Variants in PDE10A observed in about 807,000 individuals in gnomAD.
PDE10A encodes phosphodiesterase 10A, also known as cAMP and cAMP-inhibited cGMP 3',5'-cyclic phosphodiesterase 10A.
In PDE10A, 39 loss-of-function variants were observed where a neutral mutation model predicts 97.7. The observed-to-expected ratio is 0.40, with a 90% CI of 0.31 to 0.52. PDE10A has a LOEUF of 0.52. PDE10A is among the 20% of genes least tolerant of loss of function. PDE10A has a pLI of 0.56. For missense variants in PDE10A, 731 were observed against 1,047.8 expected, an observed-to-expected ratio of 0.70 and a Z score of 4.17; for synonymous variants, 371 against 376.8, an observed-to-expected ratio of 0.98 and a Z score of 0.18.
At chr6:165,336,263 T>TC (rs1334516712) in intron 20 of PDE10A, 52 bp from the exon 21 acceptor site, 9 of 1,142,560 alleles carry the variant, frequency 7.9e-6, no homozygotes, top group Non-Finnish European at 1.2e-5. Context: ...CATTAGCAAT[T>TC]CCAGTGATAT....
chr6:165,635,734 T>C (rs1788844517), intron 1 of PDE10A, among the ~76,000 whole-genome samples: 1 of 152,220 alleles, frequency 6.6e-6, no homozygotes, highest in Non-Finnish European at 1.5e-5. Flanking sequence ...TAGACTATCG[T>C]AAACACAGCG....
At chr6:165,590,588 A>G (rs1254988066) in intron 1 of PDE10A, among the ~76,000 whole-genome samples, 1 of 152,176 alleles carries the variant, frequency 6.6e-6, no homozygotes, top group African/African-American at 2.4e-5. Flanking sequence ...TTTTGGGTAG[A>G]CACTAAAAAA....
At chr6:165,509,275 T>C (rs1350939721) in intron 2 of PDE10A, among the ~76,000 whole-genome samples, 4 of 152,008 alleles carry the variant, frequency 2.6e-5, no homozygotes, top group Non-Finnish European at 5.9e-5. Context: ...TCCTTTCTTC[T>C]GGCTACTTTA....
At chr6:165,624,532 A>G (rs1788293174) in intron 1 of PDE10A, among the ~76,000 whole-genome samples, 1 of 152,210 alleles carries the variant, frequency 6.6e-6, no homozygotes, top group African/African-American at 2.4e-5. Flanking sequence ...CTAAAACTTA[A>G]CATTCTAACA....
At chr6:165,350,936 T>C (rs1023924076) in intron 18 of PDE10A, among the ~76,000 whole-genome samples, 1 of 152,228 alleles carries the variant, frequency 6.6e-6, no homozygotes, top group African/African-American at 2.4e-5. Flanking sequence ...TTAAACCTCT[T>C]TTCTTTATAA....
At chr6:165,892,375 G>T (rs1781828455) in intron 1 of PDE10A, among the ~76,000 whole-genome samples, 1 of 152,208 alleles carries the variant, frequency 6.6e-6, no homozygotes, top group Admixed American at 6.5e-5. Flanking sequence ...TGGCCACAGA[G>T]AATCCACTCG....
chr6:165,718,777 G>A (rs893525082), intron 1 of PDE10A, among the ~76,000 whole-genome samples: 1 of 152,156 alleles, frequency 6.6e-6, no homozygotes, highest in African/African-American at 2.4e-5. Flanking sequence ...CTGCATTTTA[G>A]TGCCTTGCTC....
chr6:165,934,876 G>A (rs1167412811), intron 1 of PDE10A, among the ~76,000 whole-genome samples: 1 of 152,194 alleles, frequency 6.6e-6, no homozygotes, highest in African/African-American at 2.4e-5. Context: ...CTCACATTTA[G>A]TGTCAACTGT....
At chr6:165,775,355 C>T (rs1006518793) in intron 1 of PDE10A, 2 of 152,146 alleles carry the variant, frequency 1.3e-5, no homozygotes, top group African/African-American at 4.8e-5. Flanking sequence ...GCAGAGTGGC[C>T]ATAACAACCA....
rs558934165 is a variant in PDE10A at position 165,790,915 on chromosome 6, T to A, written c.-615+196614A>T. 1.6e-4 allele frequency among the ~76,000 whole-genome samples: 25 copies of A among 152,238 alleles called. 1 individual carries two copies. The highest frequency in any genetic ancestry group is 5.8e-4 in the African/African-American group (24 of 41,532). On this transcript the variant is annotated intron_variant, in intron 1 of 19. Coordinates refer to the PDE10A transcript ENST00000366882. ...TTTTAAGAATACAATGCATTACCGTTGACTATACCTGCACAGTTGTACAGC... is the reference window on the plus strand; with the variant it reads ...TTTTAAGAATACAATGCATTACCGTAGACTATACCTGCACAGTTGTACAGC...
chr6:165,363,999 A>C (rs1783600562), intron 18 of PDE10A, among the ~76,000 whole-genome samples: 1 of 152,322 alleles, frequency 6.6e-6, no homozygotes, highest in Non-Finnish European at 1.5e-5. Context: ...GCTTTTCTTT[A>C]GAAACTGACA....
chr6:165,960,936 C>T (rs578223351), intron 1 of PDE10A, among the ~76,000 whole-genome samples: 1 of 152,266 alleles, frequency 6.6e-6, no homozygotes, highest in East Asian at 1.9e-4. Context: ...GGCTCCATTG[C>T]TTGCAATGTG....
intron 11 of PDE10A, 57 bp from the exon 12 acceptor site, chr6:165,416,338 T>C (rs1019718639): frequency 1.4e-5 from 15 of 1,043,918 alleles, no homozygotes; most frequent in Non-Finnish European, 2.3e-5. Context: ...GTAGAATAAT[T>C]CAAAAATATT....
At chr6:165,942,510 C>T (rs1251577846) in intron 1 of PDE10A, among the ~76,000 whole-genome samples, 2 of 152,052 alleles carry the variant, frequency 1.3e-5, no homozygotes, top group African/African-American at 4.8e-5. Context: ...CACCTGTGCT[C>T]GCTGCCACCC....
intron 1 of PDE10A, among the ~76,000 whole-genome samples, chr6:165,956,636 G>T (rs1470106368): frequency 6.6e-6 from 1 of 152,174 alleles, no homozygotes; most frequent in African/African-American, 2.4e-5. Flanking sequence ...TTAAACCTGT[G>T]ACAAGATTTA....
intron 1 of PDE10A, among the ~76,000 whole-genome samples, chr6:165,797,436 C>A (rs1778860217): frequency 1.3e-5 from 2 of 152,084 alleles, no homozygotes; most frequent in South Asian, 4.2e-4. Context: ...AAAAGCTTTC[C>A]CTTATTATCC....
intron 1 of PDE10A, among the ~76,000 whole-genome samples, chr6:165,875,746 T>TGTTTTGTG (rs1554334719): frequency 1.4e-5 from 2 of 147,014 alleles, no homozygotes; most frequent in Non-Finnish European, 3.0e-5. Flanking sequence ...TTTTTTTTTT[T>TGTTTTGTG]TGTGTGTGTG....
rs1403420962 is a variant in PDE10A, at chr6:165,435,331, C to T, written c.1241G>A (p.Arg414His). The T allele has an allele frequency of 4.3e-6, 7 of 1,613,798 alleles. No individual in the cohort carries two copies. The highest frequency in any genetic ancestry group is 2.2e-5 in the South Asian group (2 of 91,076). ...AGTGATGGGCCCAGCAGGGATGAGG[C>T]GGGGTTTTCCTTCCTTTATCCCAGG... Reference protein sequence around the residue: ...TPPGIKEGKPRLIPAGPITQG... With the variant: ...TPPGIKEGKPHLIPAGPITQG... Residue 414 changes from arginine to histidine, a missense_variant, in exon 6 of 22, where the codon CGC becomes CAC. Around this residue, in one of 8 missense-constraint regions of PDE10A, gnomAD observed 152 missense variants for 199.3 expected, o/e 0.76. Transcript: ENST00000539869.
intron 1 of PDE10A, among the ~76,000 whole-genome samples, chr6:165,955,367 TG>T (rs1784104700): frequency 6.6e-6 from 1 of 152,224 alleles, no homozygotes; most frequent in African/African-American, 2.4e-5. Context: ...TCAGTCTCCC[TG>T]TATTCAGTGT....
Sources: allele counts gnomAD v4.1 joint callset (sites outside exome capture counted in the v4.1 genomes callset), GRCh38; gene constraint gnomAD v4.1.1; regional missense constraint gnomAD v4.1.1; transcripts MANE v1.5; gene names NCBI Gene and HGNC (gene_info 2026-07-23, HGNC 2026-07-21).